NAF1: variants seen among roughly 807,000 people sequenced by gnomAD.
NAF1 encodes H/ACA ribonucleoprotein complex non-core subunit NAF1.
In NAF1, 11 loss-of-function variants were observed where a neutral mutation model predicts 40.6. That is an observed-to-expected ratio of 0.27 (90% CI 0.17 to 0.45). The LOEUF (loss-of-function observed/expected upper bound fraction) is 0.45. Among genes scored for constraint, NAF1 ranks in the 20% least tolerant of loss-of-function variants. The probability of loss-of-function intolerance (pLI) is 1.00; values close to 1 mark genes in which losing one functional copy is unlikely to be tolerated. For missense variants in NAF1, 607 were observed against 611.1 expected (o/e 0.99, Z 0.07); for synonymous variants, 260 against 228.5 (o/e 1.14, Z -1.24).
intron 2 of NAF1, among the ~76,000 whole-genome samples, chr4:163,118,120 T>G (rs1579122043): frequency 6.6e-6 from 1 of 150,448 alleles, no homozygotes; most frequent in East Asian, 1.9e-4. Flanking sequence ...TTCAAGTCAT[T>G]AAAAAAAAAG....
downstream of NAF1, among the ~76,000 whole-genome samples, chr4:163,107,358 G>A (rs1315865173): frequency 6.6e-6 from 1 of 152,206 alleles, no homozygotes; most frequent in Non-Finnish European, 1.5e-5. Flanking sequence ...AAGTCTCTAT[G>A]TGTACTTGCT....
At chr4:163,119,975 T>G (rs1730469290) in intron 2 of NAF1, 1 of 152,166 alleles carries the variant, frequency 6.6e-6, no homozygotes, top group South Asian at 2.1e-4. Context: ...TTATACCTAA[T>G]CAAAAACAAA....
downstream of NAF1, among the ~76,000 whole-genome samples, chr4:163,125,948 C>G (rs1419784658): frequency 1.3e-5 from 2 of 152,148 alleles, no homozygotes; most frequent in African/African-American, 4.8e-5. Flanking sequence ...GCTCTATAGA[C>G]TCTATAGATA....
At chr4:163,131,017 A>G (rs1730852385) in intron 7 of NAF1, among the ~76,000 whole-genome samples, 1 of 152,044 alleles carries the variant, frequency 6.6e-6, no homozygotes, top group Admixed American at 6.6e-5. Context: ...CCCAAGTAGG[A>G]ATGCGCCACC....
chr4:163,116,611 A>G (rs1290157621), intron 2 of NAF1, among the ~76,000 whole-genome samples: 1 of 152,178 alleles, frequency 6.6e-6, no homozygotes, highest in African/African-American at 2.4e-5. Context: ...GGAATCCTAC[A>G]ATAGTGGCTA....
chr4:163,144,027 T>C, intron 4 of NAF1: 4 of 976,774 alleles, frequency 4.1e-6, no homozygotes, highest in Non-Finnish European at 4.9e-6. Flanking sequence ...TCCATCAATA[T>C]AATACAGAGT....
At chr4:163,131,722 T>C (rs1212210028) in intron 7 of NAF1, among the ~76,000 whole-genome samples, 2 of 152,180 alleles carry the variant, frequency 1.3e-5, no homozygotes, top group East Asian at 3.8e-4. Flanking sequence ...TAAATTAGTT[T>C]TCCTCAAAAC....
intron 1 of NAF1, among the ~76,000 whole-genome samples, chr4:163,164,595 CTGATATGGTAT>C (rs1732374348): frequency 6.6e-6 from 1 of 152,166 alleles, no homozygotes; most frequent in African/African-American, 2.4e-5. Context: ...CACTTCAAAA[CTGATATGGTAT>C]TGGGAAAGTA....
intron 6 of NAF1, 95 bp from the exon 7 acceptor site, chr4:163,133,351 T>A (rs1004013371): frequency 1.2e-6 from 1 of 819,862 alleles, no homozygotes; most frequent in Non-Finnish European, 1.9e-6. Flanking sequence ...CTATTATGCA[T>A]CAATGACTCT....
intron 7 of NAF1, among the ~76,000 whole-genome samples, chr4:163,130,554 T>C (rs1029465244): frequency 2.0e-5 from 3 of 152,116 alleles, no homozygotes; most frequent in African/African-American, 7.2e-5. Flanking sequence ...GTGGTACTGG[T>C]GAAAGGACAC....
At chr4:163,110,798 C>G (rs969134235) in intron 2 of NAF1, among the ~76,000 whole-genome samples, 17 of 152,044 alleles carry the variant, frequency 1.1e-4, no homozygotes, top group African/African-American at 3.6e-4. Context: ...AGCTCTAGCA[C>G]TTTGTAGCGT....
At chr4:163,153,818 C>A (rs1336872966) in intron 2 of NAF1, among the ~76,000 whole-genome samples, 1 of 152,164 alleles carries the variant, frequency 6.6e-6, no homozygotes, top group Non-Finnish European at 1.5e-5. Context: ...CCGCTCGGGT[C>A]CCCTTCCACA....
downstream of NAF1, chr4:163,126,862 A>G (rs185479503): frequency 6.7e-4 from 931 of 1,398,784 alleles, 4 homozygotes; most frequent in Middle Eastern, 4.7e-3. Flanking sequence ...TTGAGTCCAG[A>G]CCTTCCAACA....
downstream of NAF1, among the ~76,000 whole-genome samples, chr4:163,123,483 G>C (rs754048434): frequency 1.3e-4 from 20 of 152,150 alleles, no homozygotes; most frequent in Admixed American, 5.2e-4. Context: ...CTGGGTTCAA[G>C]TGATCTTCCT....
At chr4:163,131,366 C>T (rs959849792) in intron 7 of NAF1, among the ~76,000 whole-genome samples, 16 of 151,976 alleles carry the variant, frequency 1.1e-4, no homozygotes, top group African/African-American at 3.6e-4. Flanking sequence ...GCATTCTAGC[C>T]TGGGCAACAG....
chr4:163,156,975 A>G (rs1037041283), intron 2 of NAF1: 1 of 152,156 alleles, frequency 6.6e-6, no homozygotes, highest in Admixed American at 6.5e-5. Flanking sequence ...GGACTCATTT[A>G]TTCAATACTT....
intron 2 of NAF1, chr4:163,156,965 G>A (rs928794490): frequency 6.6e-6 from 1 of 151,930 alleles, no homozygotes; most frequent in Non-Finnish European, 1.5e-5. Flanking sequence ...AAGTTTTTCT[G>A]GACTCATTTA....
At chr4:163,145,562 T>C (rs1488285378) in intron 4 of NAF1, among the ~76,000 whole-genome samples, 1 of 152,188 alleles carries the variant, frequency 6.6e-6, no homozygotes, top group Non-Finnish European at 1.5e-5. Context: ...TCTATATATG[T>C]GTATTTAATA....
At position 163,166,639 on chromosome 4, in the gene NAF1, G is replaced by T. The variant is rs767204361; in HGVS notation, c.89C>A (p.Pro30Gln). Residue 30 changes from proline (P) to glutamine (Q), a missense_variant, in exon 1 of 8, where the codon CCG (proline) becomes CAG (glutamine). Physicochemically the swap from Pro to Gln is moderately conservative, Grantham distance 76. Coordinates refer to ENST00000274054, the MANE Select transcript of NAF1 (RefSeq NM_138386.3). ...DFGVGEGPAA[P>Q]SPGSAPVPGT... is the part of the protein sequence containing the mutation. ...TGGCACAGGGGCAGAGCCCGGAGACGGAGCCGCCGGACCTTCCCCAACTCC... is the reference window on the plus strand; with the variant it reads ...TGGCACAGGGGCAGAGCCCGGAGACTGAGCCGCCGGACCTTCCCCAACTCC... 2 of 1,612,548 alleles carry T rather than the reference G, an allele frequency of 1.2e-6. No individual in the cohort carries two copies. The highest frequency in any genetic ancestry group is 1.1e-5 in the South Asian group (1 of 90,998).
Sources: gnomAD v4.1 joint callset for allele counts (sites outside exome capture counted in the v4.1 genomes callset) on GRCh38, gnomAD v4.1.1 for gene constraint, MANE v1.5 for transcripts, NCBI Gene and HGNC (gene_info 2026-07-23, HGNC 2026-07-21) for gene names.